ERI1: variants seen among roughly 807,000 people sequenced by gnomAD.
The protein encoded by ERI1 is 3'-5' exoribonuclease 1.
Under a neutral mutation model 39.7 loss-of-function variants are expected in ERI1, and 39 were observed. The ratio of observed to expected loss-of-function variants is 0.98; its 90% CI spans 0.76 to 1.28. The LOEUF (loss-of-function observed/expected upper bound fraction) is 1.28. Among genes scored for constraint, ERI1 ranks in the 50% most tolerant of loss-of-function variants. ERI1 has a pLI of 0.00. For missense variants in ERI1, 581 were observed against 416.9 expected, an observed-to-expected ratio of 1.39 and a Z score of -3.43; for synonymous variants, 204 against 149.6, an observed-to-expected ratio of 1.36 and a Z score of -2.65.
downstream of ERI1, among the ~76,000 whole-genome samples, chr8:9,037,891 TAAAAAAAAAA>T (rs33912518): frequency 0.016 from 2,349 of 145,796 alleles, 67 homozygotes; most frequent in African/African-American, 0.056. Flanking sequence ...ATTGCTGATT[TAAAAAAAAAA>T]AAAAAAAATC....
At chr8:9,080,432 C>T (rs6601285) in intron 3 of ERI1, among the ~76,000 whole-genome samples, 13,995 of 152,146 alleles carry the variant, frequency 0.092, 2,026 homozygotes, top group African/African-American at 0.31. Flanking sequence ...TGCAGCCTGG[C>T]AGTAAGAACC....
chr8:9,016,381 C>A lies in ERI1; in HGVS notation c.558C>A (p.Cys186Ter). 6.2e-7 allele frequency: 1 copy of A among 1,606,426 alleles called. No individual in the cohort carries two copies. Among genetic ancestry groups the A allele is most frequent in the Non-Finnish European group, 8.5e-7 (1 of 1,175,518 alleles). Reference sequence around the variant, plus strand: ...TTAACACACAGCTGTCTGATTTCTGCATCAGTCTAACTGGAATTACTCAGG... The same window carrying A: ...TTAACACACAGCTGTCTGATTTCTGAATCAGTCTAACTGGAATTACTCAGG... ...PEINTQLSDF[C>*]ISLTGITQDQ... Residue 186 changes from cysteine (C) to a stop codon, truncating the protein, a stop_gained, in exon 4 of 7, where the codon TGC becomes TGA. Transcript: ENST00000250263. LOFTEE classifies it high-confidence loss of function.
At chr8:9,082,281 A>G (rs1240887471) in intron 3 of ERI1, among the ~76,000 whole-genome samples, 1 of 152,158 alleles carries the variant, frequency 6.6e-6, no homozygotes, top group Non-Finnish European at 1.5e-5. Flanking sequence ...ACTTCTGGCA[A>G]GTAACATGTT....
At chr8:9,066,760 A>G (rs958485270) in intron 3 of ERI1, among the ~76,000 whole-genome samples, 2 of 152,206 alleles carry the variant, frequency 1.3e-5, no homozygotes, top group Non-Finnish European at 2.9e-5. Context: ...TGCAGAGACT[A>G]AAATGTGACA....
intron 3 of ERI1, 47 bp from the exon 4 acceptor site, chr8:9,016,275 A>C (rs771947781): frequency 8.1e-7 from 1 of 1,237,858 alleles, no homozygotes; most frequent in Non-Finnish European, 1.2e-6. Context: ...TGTATCGTGT[A>C]TCTTAACTCA....
chr8:9,034,615 G>C (rs1416983954), downstream of ERI1, among the ~76,000 whole-genome samples: 1 of 151,974 alleles, frequency 6.6e-6, no homozygotes, highest in Non-Finnish European at 1.5e-5. Flanking sequence ...AAATGTCTGT[G>C]TTTTCCCCAT....
chr8:9,037,721 G>C (rs13274157), downstream of ERI1, among the ~76,000 whole-genome samples: 24,941 of 152,012 alleles, frequency 0.16, 2,393 homozygotes, highest in African/African-American at 0.26. Flanking sequence ...GTTACAGATA[G>C]GAGCTATCCC....
intron 3 of ERI1, among the ~76,000 whole-genome samples, chr8:9,054,266 T>C (rs1798442526): frequency 6.6e-6 from 1 of 152,238 alleles, no homozygotes; most frequent in African/African-American, 2.4e-5. Context: ...GAGGGCAAAA[T>C]TATCCCCATC....
intron 3 of ERI1, among the ~76,000 whole-genome samples, chr8:9,059,553 A>G (rs1378309909): frequency 1.3e-5 from 2 of 152,106 alleles, no homozygotes; most frequent in Admixed American, 1.3e-4. Flanking sequence ...AGAATTATTG[A>G]TGATGGCCTA....
intron 3 of ERI1, among the ~76,000 whole-genome samples, chr8:9,099,454 G>A (rs1417229561): frequency 1.3e-5 from 2 of 151,964 alleles, no homozygotes; most frequent in African/African-American, 4.8e-5. Flanking sequence ...AATTAGCCAG[G>A]TGTGGTGGTG....
In ERI1 at chr8:9,085,857, C is replaced by T. The variant is rs149409867; in HGVS notation, n.300-30491C>T. Among the ~76,000 whole-genome samples, 138 of 152,184 alleles carry T rather than the reference C, an allele frequency of 9.1e-4. 2 individuals are homozygous for T. Among genetic ancestry groups the T allele is most frequent in the East Asian group, 8.9e-3 (46 of 5,156 alleles). ...CTGAGGTCTGTGAGACGCAGAACAG[C>T]AGGTTTTTTCTAACTTGTTAATGGC... On this transcript the variant is annotated intron_variant and non_coding_transcript_variant, in intron 3 of 3. Transcript: ENST00000518663.
intron 3 of ERI1, among the ~76,000 whole-genome samples, chr8:9,092,296 G>T (rs888383361): frequency 5.9e-5 from 9 of 152,128 alleles, no homozygotes; most frequent in Non-Finnish European, 1.0e-4. Flanking sequence ...ACAGTGTGAA[G>T]GATCTTAAGT....
At chr8:9,014,519 C>G (rs769275029) in intron 3 of ERI1, among the ~76,000 whole-genome samples, 3 of 152,176 alleles carry the variant, frequency 2.0e-5, no homozygotes, top group African/African-American at 7.2e-5. Flanking sequence ...ATAACCCTTA[C>G]TACCTTTTAA....
At chr8:9,036,861 A>G (rs1308896053), downstream of ERI1, among the ~76,000 whole-genome samples, 2 of 152,194 alleles carry the variant, frequency 1.3e-5, no homozygotes, top group African/African-American at 4.8e-5. Context: ...ACCTTTGAAC[A>G]TAGACCTGTT....
intron 3 of ERI1, among the ~76,000 whole-genome samples, chr8:9,086,275 C>T (rs1463647357): frequency 1.3e-5 from 2 of 152,118 alleles, no homozygotes; most frequent in East Asian, 3.9e-4. Context: ...ATTAGCTGGG[C>T]ATGGTGGCCT....
chr8:9,072,175 A>T (rs1799072657), intron 3 of ERI1, among the ~76,000 whole-genome samples: 1 of 152,152 alleles, frequency 6.6e-6, no homozygotes, highest in Non-Finnish European at 1.5e-5. Context: ...AACGTTTGAC[A>T]ATAGCTTTCC....
chr8:9,065,547 T>G (rs555602302), intron 3 of ERI1, among the ~76,000 whole-genome samples: 187 of 151,638 alleles, frequency 1.2e-3, no homozygotes, highest in African/African-American at 4.4e-3. Context: ...TACAAAAAAT[T>G]AGCCAGGCGT....
chr8:9,005,289 C>A (rs983699471), intron 1 of ERI1, among the ~76,000 whole-genome samples: 3 of 151,966 alleles, frequency 2.0e-5, no homozygotes, highest in Non-Finnish European at 4.4e-5. Context: ...TCAAAATGTT[C>A]TCTATACAGA....
downstream of ERI1, among the ~76,000 whole-genome samples, chr8:9,034,916 A>G (rs1797793563): frequency 6.6e-6 from 1 of 152,236 alleles, no homozygotes; most frequent in Non-Finnish European, 1.5e-5. Flanking sequence ...TAAGAAAGCA[A>G]AACAGCCTTA....
Sources: allele counts gnomAD v4.1 joint callset (sites outside exome capture counted in the v4.1 genomes callset), GRCh38; gene constraint gnomAD v4.1.1; transcripts MANE v1.5; gene names NCBI Gene and HGNC (gene_info 2026-07-23, HGNC 2026-07-21).